The following LY86 variants were observed in gnomAD, a reference collection of about 807,000 sequenced individuals.
LY86 encodes the protein MD-1, RP105-associated.
LY86 carries 20 observed loss-of-function variants against 17.3 expected under a neutral mutation model. The observed-to-expected ratio is 1.15, with a 90% CI of 0.81 to 1.68. LY86 has a LOEUF of 1.68. LY86 is among the 40% of genes most tolerant of loss of function. The probability of loss-of-function intolerance (pLI) is 0.00; values close to 1 mark genes in which losing one functional copy is unlikely to be tolerated. For synonymous variants in LY86, 74 were observed against 70.6 expected, an observed-to-expected ratio of 1.05 and a Z score of -0.24; for missense variants, 200 against 191.9, an observed-to-expected ratio of 1.04 and a Z score of -0.25.
chr6:6,597,168 C>T (rs13198729), intron 1 of LY86, among the ~76,000 whole-genome samples: 7,599 of 152,222 alleles, frequency 0.05, 277 homozygotes, highest in Non-Finnish European at 0.075. Flanking sequence ...AGACCCAGGC[C>T]CGCAGGAGGG....
intron 1 of LY86, among the ~76,000 whole-genome samples, chr6:6,596,259 A>C (rs1027994927): frequency 1.3e-5 from 2 of 152,238 alleles, no homozygotes; most frequent in Non-Finnish European, 2.9e-5. Context: ...TAGCAGAACC[A>C]ACAGGATATA....
chr6:6,594,247 G>A (rs1196881281), intron 1 of LY86, among the ~76,000 whole-genome samples: 1 of 152,238 alleles, frequency 6.6e-6, no homozygotes, highest in African/African-American at 2.4e-5. Context: ...TTGCGAACTA[G>A]AGCCCGCAGG....
intron 3 of LY86, among the ~76,000 whole-genome samples, chr6:6,629,483 A>G (rs1761866362): frequency 6.6e-6 from 1 of 152,264 alleles, no homozygotes; most frequent in African/African-American, 2.4e-5. Flanking sequence ...CATGTTACAC[A>G]TAAAAAGGCT....
intron 3 of LY86, among the ~76,000 whole-genome samples, chr6:6,629,988 A>C (rs945180338): frequency 2.0e-5 from 3 of 152,254 alleles, no homozygotes; most frequent in Non-Finnish European, 4.4e-5. Context: ...ATAAAAGTGT[A>C]GTCACTGTTG....
At chr6:6,602,183 T>C (rs17142372) in intron 1 of LY86, among the ~76,000 whole-genome samples, 2,910 of 152,318 alleles carry the variant, frequency 0.019, 63 homozygotes, top group East Asian at 0.061. Context: ...TGAAGAATGC[T>C]AATTATATAA....
intron 1 of LY86, among the ~76,000 whole-genome samples, chr6:6,613,686 G>A (rs1037576959): frequency 3.9e-5 from 6 of 152,270 alleles, no homozygotes; most frequent in Admixed American, 2.0e-4. Context: ...AGCCCAGAAA[G>A]GGGTTCCCAC....
chr6:6,612,356 A>T (rs527423507), intron 1 of LY86, among the ~76,000 whole-genome samples: 1 of 152,326 alleles, frequency 6.6e-6, no homozygotes, highest in East Asian at 1.9e-4. Context: ...ACACTTCTTA[A>T]GGTGATACAT....
intron 1 of LY86, among the ~76,000 whole-genome samples, chr6:6,608,639 C>T (rs1391028117): frequency 1.3e-5 from 2 of 152,192 alleles, no homozygotes; most frequent in African/African-American, 2.4e-5. Context: ...TGTTTCCATG[C>T]ACACTAACAG....
intron 1 of LY86, among the ~76,000 whole-genome samples, chr6:6,614,138 A>G (rs1761486292): frequency 6.6e-6 from 1 of 152,130 alleles, no homozygotes; most frequent in Non-Finnish European, 1.5e-5. Flanking sequence ...TTGACTTTCC[A>G]TCTCCAAAAG....
intron 1 of LY86, among the ~76,000 whole-genome samples, chr6:6,601,529 T>C (rs1760908443): frequency 6.6e-6 from 1 of 152,152 alleles, no homozygotes; most frequent in African/African-American, 2.4e-5. Context: ...GAGACCATCC[T>C]GGCTAACACA....
intron 1 of LY86, among the ~76,000 whole-genome samples, chr6:6,598,366 G>A (rs916294896): frequency 1.3e-5 from 2 of 151,916 alleles, no homozygotes; most frequent in Non-Finnish European, 2.9e-5. Context: ...TCTTTGTACT[G>A]ACATTTATTT....
At position 6,607,089 on chromosome 6, in the gene LY86, T is replaced by C. The variant is rs188701943; in HGVS notation, c.137-17837T>C. ...CCCTGGGGCCATGTTGGAGGCTGCC[T>C]AGTGCAAAACGGCAGATAACAATAG... On this transcript the variant is annotated intron_variant, in intron 1 of 4. Coordinates refer to ENST00000230568, the MANE Select transcript of LY86 (RefSeq NM_004271.4). Among the ~76,000 whole-genome samples the C allele has an allele frequency of 9.8e-4, 150 of 152,348 alleles. 2 individuals carry two copies. Among genetic ancestry groups the C allele is most frequent in the Non-Finnish European group, 1.6e-3 (112 of 68,032 alleles).
chr6:6,614,377 CTTTTT>C (rs57187485), intron 1 of LY86, among the ~76,000 whole-genome samples: 14 of 145,598 alleles, frequency 9.6e-5, no homozygotes, highest in Admixed American at 6.1e-4. Context: ...AATCACGTCT[CTTTTT>C]TTTTTTTTTT....
At chr6:6,602,212 T>A (rs1760931885) in intron 1 of LY86, among the ~76,000 whole-genome samples, 1 of 152,228 alleles carries the variant, frequency 6.6e-6, no homozygotes. Context: ...TATCCACTTG[T>A]TCAGTTTGGA....
chr6:6,606,141 T>A (rs527901364), intron 1 of LY86, among the ~76,000 whole-genome samples: 11 of 152,076 alleles, frequency 7.2e-5, no homozygotes, highest in African/African-American at 1.4e-4. Context: ...GGCCGAGTGG[T>A]CCATTTTGAC....
At chr6:6,611,928 T>C (rs181540055) in intron 1 of LY86, among the ~76,000 whole-genome samples, 33 of 152,356 alleles carry the variant, frequency 2.2e-4, no homozygotes, top group Admixed American at 2.1e-3. Flanking sequence ...TTCTGCCAGC[T>C]GCTCTTAACT....
chr6:6,604,722 G>C lies in LY86; in HGVS notation c.136+15852G>C, dbSNP rs535623233. On this transcript the variant is annotated intron_variant, in intron 1 of 4. Transcript: ENST00000230568. ...CAGAGATATCAGTGCATTACATTGG[G>C]GGTCTCTCCACCAGGCTACCCACAA... Among the ~76,000 whole-genome samples, 5 of 152,160 alleles carry C rather than the reference G, an allele frequency of 3.3e-5. No homozygotes were observed. The South Asian group carries it at 1.0e-3, about 32-fold the overall frequency.
At chr6:6,624,615 TA>T (rs1209093161) in intron 1 of LY86, among the ~76,000 whole-genome samples, 1 of 152,130 alleles carries the variant, frequency 6.6e-6, no homozygotes, top group Non-Finnish European at 1.5e-5. Flanking sequence ...GTTCAGGAAC[TA>T]AAAAAATTCA....
intron 1 of LY86, among the ~76,000 whole-genome samples, chr6:6,624,716 C>G (rs921156589): frequency 2.6e-5 from 4 of 152,106 alleles, no homozygotes; most frequent in African/African-American, 9.7e-5. Flanking sequence ...TGGATGGAGG[C>G]CCCCTGTTGT....
Sources: allele counts gnomAD v4.1 joint callset (sites outside exome capture counted in the v4.1 genomes callset), GRCh38; gene constraint gnomAD v4.1.1; transcripts MANE v1.5; gene names NCBI Gene and HGNC (gene_info 2026-07-23, HGNC 2026-07-21).